ZNRF1: variants seen among roughly 807,000 people sequenced by gnomAD.
The protein encoded by ZNRF1 is zinc and ring finger 1, also known as E3 ubiquitin-protein ligase ZNRF1.
A neutral mutation model predicts 18.4 loss-of-function variants in ZNRF1; 3 were observed. The ratio of observed to expected loss-of-function variants is 0.16; its 90% CI spans 0.07 to 0.42. The LOEUF (loss-of-function observed/expected upper bound fraction) is 0.42, where lower values mean the gene tolerates loss of function less well. Ranked by LOEUF, ZNRF1 falls within the 10% of genes least tolerant of loss-of-function variation. The pLI is 0.99. For synonymous variants in ZNRF1, 157 were observed against 144.2 expected, an observed-to-expected ratio of 1.09 and a Z score of -0.64; for missense variants, 310 against 329.8, an observed-to-expected ratio of 0.94 and a Z score of 0.47.
chr16:75,079,954 C>T (rs1401773750), intron 1 of ZNRF1, among the ~76,000 whole-genome samples: 3 of 152,172 alleles, frequency 2.0e-5, no homozygotes, highest in Admixed American at 6.5e-5. Flanking sequence ...CTCACTCTGC[C>T]GCTCAGGCTG....
chr16:75,063,457 C>T (rs548531241), intron 1 of ZNRF1, among the ~76,000 whole-genome samples: 1 of 152,324 alleles, frequency 6.6e-6, no homozygotes, highest in Non-Finnish European at 1.5e-5. Context: ...CACCTCCATC[C>T]TGCTTGGCAT....
At chr16:75,048,159 C>G (rs2145369655) in intron 1 of ZNRF1, among the ~76,000 whole-genome samples, 1 of 152,198 alleles carries the variant, frequency 6.6e-6, no homozygotes, top group South Asian at 2.1e-4. Flanking sequence ...CCCTGTTGCC[C>G]AGGCTCATCT....
At chr16:75,024,001 G>T (rs967240017) in intron 1 of ZNRF1, among the ~76,000 whole-genome samples, 2 of 151,528 alleles carry the variant, frequency 1.3e-5, no homozygotes, top group Admixed American at 1.3e-4. Flanking sequence ...CTCCCCAGTA[G>T]CTAGGACTAC....
chr16:75,053,168 C>G (rs1331250069), intron 1 of ZNRF1, among the ~76,000 whole-genome samples: 2 of 152,192 alleles, frequency 1.3e-5, no homozygotes, highest in Non-Finnish European at 2.9e-5. Flanking sequence ...CATAATAAAA[C>G]TGGTTCAGGT....
chr16:75,089,777 G>T (rs2036114286), intron 1 of ZNRF1, among the ~76,000 whole-genome samples: 1 of 152,152 alleles, frequency 6.6e-6, no homozygotes, highest in South Asian at 2.1e-4. Flanking sequence ...AATGTCTGGT[G>T]ACATTCCCTT....
intron 1 of ZNRF1, among the ~76,000 whole-genome samples, chr16:75,062,082 G>A (rs556958996): frequency 2.0e-5 from 3 of 152,304 alleles, no homozygotes; most frequent in East Asian, 3.9e-4. Flanking sequence ...GTTATGCTAC[G>A]AGATCTAAGC....
chr16:75,096,454 A>G (rs1298972257), intron 2 of ZNRF1, among the ~76,000 whole-genome samples: 2 of 152,118 alleles, frequency 1.3e-5, no homozygotes. Flanking sequence ...TGTATTCCCC[A>G]TGATTTGTCA....
chr16:75,038,671 A>G (rs2035403808), intron 1 of ZNRF1, among the ~76,000 whole-genome samples: 1 of 152,188 alleles, frequency 6.6e-6, no homozygotes, highest in African/African-American at 2.4e-5. Flanking sequence ...AAGCCAGTTA[A>G]ATAAGAATCT....
intron 1 of ZNRF1, among the ~76,000 whole-genome samples, chr16:75,041,788 G>T (rs1056881708): frequency 6.7e-6 from 1 of 149,238 alleles, no homozygotes; most frequent in Middle Eastern, 3.4e-3. Context: ...TTCGAGACCA[G>T]CCTGGCCAAC....
chr16:75,015,623 G>C (rs1010879516), intron 1 of ZNRF1, among the ~76,000 whole-genome samples: 1 of 152,144 alleles, frequency 6.6e-6, no homozygotes, highest in Non-Finnish European at 1.5e-5. Flanking sequence ...TCACTCTGTT[G>C]CCCAGGCTGG....
chr16:75,036,568 C>CT (rs111306434), intron 1 of ZNRF1, among the ~76,000 whole-genome samples: 16,922 of 137,228 alleles, frequency 0.12, 1,242 homozygotes, highest in African/African-American at 0.19. Context: ...TCATCTGTTT[C>CT]TTTTTTTTTT....
chr16:75,058,888 C>T (rs1300379662), intron 1 of ZNRF1, among the ~76,000 whole-genome samples: 2 of 152,132 alleles, frequency 1.3e-5, no homozygotes, highest in African/African-American at 2.4e-5. Flanking sequence ...GTTTGACCAC[C>T]TTGTGTTTTC....
chr16:75,041,356 G>T (rs2035444812), intron 1 of ZNRF1, among the ~76,000 whole-genome samples: 1 of 151,840 alleles, frequency 6.6e-6, no homozygotes, highest in Admixed American at 6.6e-5. Flanking sequence ...TTGAGACAGG[G>T]TCTCACCCTG....
intron 1 of ZNRF1, among the ~76,000 whole-genome samples, chr16:75,033,691 C>T: frequency 6.6e-6 from 1 of 152,144 alleles, no homozygotes; most frequent in Non-Finnish European, 1.5e-5. Context: ...TTTCCCTCGG[C>T]CTCCCAAAGT....
At chr16:75,079,859 G>C (rs1258471965) in intron 1 of ZNRF1, among the ~76,000 whole-genome samples, 1 of 152,212 alleles carries the variant, frequency 6.6e-6, no homozygotes, top group African/African-American at 2.4e-5. Context: ...GTAGCCTGTA[G>C]TGTAGCTGCG....
At chr16:75,088,392 G>A (rs543777978) in intron 1 of ZNRF1, among the ~76,000 whole-genome samples, 27 of 152,256 alleles carry the variant, frequency 1.8e-4, no homozygotes, top group Middle Eastern at 3.4e-3. Context: ...CAGTGCTGTA[G>A]GCCCAGTGCC....
chr16:75,098,286 A>G (rs562163117), intron 2 of ZNRF1, among the ~76,000 whole-genome samples: 39 of 152,368 alleles, frequency 2.6e-4, no homozygotes, highest in Admixed American at 2.2e-3. Flanking sequence ...AACCAGGAAC[A>G]GGTGGCTACA....
At chr16:75,087,223 C>T (rs1239453761) in intron 1 of ZNRF1, among the ~76,000 whole-genome samples, 1 of 152,168 alleles carries the variant, frequency 6.6e-6, no homozygotes, top group Non-Finnish European at 1.5e-5. Context: ...TTACCCTGGT[C>T]CAGGAACATT....
At chr16:75,075,500 T>G (rs148252482) in intron 1 of ZNRF1, among the ~76,000 whole-genome samples, 22 of 152,364 alleles carry the variant, frequency 1.4e-4, no homozygotes, top group African/African-American at 5.3e-4. Flanking sequence ...TGGTAGAAGG[T>G]AGCCTCTGCT....
Sources: allele counts gnomAD v4.1 joint callset (sites outside exome capture counted in the v4.1 genomes callset), GRCh38; gene constraint gnomAD v4.1.1; transcripts MANE v1.5; gene names NCBI Gene and HGNC (gene_info 2026-07-23, HGNC 2026-07-21).